Variants in CHD9 observed in about 807,000 individuals in gnomAD.
CHD9 encodes chromodomain helicase DNA binding protein 9.
A neutral mutation model predicts 316.1 loss-of-function variants in CHD9; 77 were observed. The observed-to-expected ratio is 0.24, with a 90% CI of 0.20 to 0.29. The LOEUF (loss-of-function observed/expected upper bound fraction) is 0.29. Ranked by LOEUF, CHD9 falls within the 10% of genes least tolerant of loss-of-function variation. CHD9 has a pLI of 1.00. For synonymous variants in CHD9, 1,129 were observed against 1,158.3 expected (o/e 0.97, Z 0.51); for missense variants, 2,763 against 3,438.1 (o/e 0.80, Z 4.91).
At chr16:53,055,909 C>T (rs2032048316) in intron 1 of CHD9, among the ~76,000 whole-genome samples, 1 of 152,220 alleles carries the variant, frequency 6.6e-6, no homozygotes, top group African/African-American at 2.4e-5. Flanking sequence ...TTCCTCCCCA[C>T]CCTGATCCCA....
Position 53,156,991 on chromosome 16 carries a change from C to T in CHD9, c.902C>T (p.Thr301Ile). 1 of 1,610,218 alleles carries T rather than the reference C, an allele frequency of 6.2e-7. No individual in the cohort carries two copies. Among genetic ancestry groups the T allele is most frequent in the Non-Finnish European group, 8.5e-7 (1 of 1,176,964 alleles). Residue 301 changes from threonine (T) to isoleucine (I), a missense_variant, in exon 2 of 39, where the codon ACT (threonine) becomes ATT (isoleucine). By Grantham distance (89) the Thr-to-Ile change is moderately conservative. Around this residue, in one of 15 missense-constraint regions of CHD9, gnomAD observed 859 missense variants for 890.4 expected, o/e 0.96. Coordinates refer to ENST00000447540, the MANE Select transcript of CHD9 (RefSeq NM_001308319.2). The stretch of plus-strand genomic sequence containing the variant: ...CTTGCATCTAATCATACAAATCAGA[C>T]TTTATCTGATTTTACTGGAAGTAAT... Reference protein sequence around the residue: ...AVLASNHTNQTLSDFTGSNSF... With the variant: ...AVLASNHTNQILSDFTGSNSF...
chr16:53,067,464 C>A (rs1454056710), intron 1 of CHD9, among the ~76,000 whole-genome samples: 1 of 152,066 alleles, frequency 6.6e-6, no homozygotes, highest in South Asian at 2.1e-4. Flanking sequence ...TTTATACCAA[C>A]AAAAATGGGC....
intron 36 of CHD9, among the ~76,000 whole-genome samples, chr16:53,316,339 T>C (rs1431704160): frequency 6.6e-6 from 1 of 152,214 alleles, no homozygotes; most frequent in African/African-American, 2.4e-5. Flanking sequence ...GTACTACTTA[T>C]TATTTTAAGA....
intron 29 of CHD9, among the ~76,000 whole-genome samples, chr16:53,295,647 C>T (rs1258324993): frequency 1.3e-5 from 2 of 152,080 alleles, no homozygotes; most frequent in African/African-American, 4.8e-5. Flanking sequence ...TCGTTTTTCC[C>T]ATTTTTATTC....
At position 53,307,785 on chromosome 16, in the gene CHD9, C is replaced by G. The variant is rs765763891; in HGVS notation, c.6885C>G (p.Phe2295Leu). Residue 2295 changes from phenylalanine (F) to leucine (L), a missense_variant, in exon 33 of 39, where the codon TTC (phenylalanine) becomes TTG (leucine). Coordinates refer to ENST00000447540, the MANE Select transcript of CHD9 (RefSeq NM_001308319.2). ...ATGATGCTAACACAGTGGCTTCTTT[C>G]TATACCACAAAACTGCTGGACAGCC... ...RSYDANTVAS[F>L]YTTKLLDSPG... 5 of 1,613,150 alleles carry G rather than the reference C, an allele frequency of 3.1e-6. No homozygotes were observed. The highest frequency in any genetic ancestry group is 1.6e-4 in the Middle Eastern group (1 of 6,084).
intron 1 of CHD9, among the ~76,000 whole-genome samples, chr16:53,103,982 C>T (rs2037107818): frequency 6.6e-6 from 1 of 152,168 alleles, no homozygotes; most frequent in African/African-American, 2.4e-5. Context: ...CCCTTCTCGC[C>T]AAAGCATTCC....
intron 1 of CHD9, among the ~76,000 whole-genome samples, chr16:53,077,130 G>A (rs1288341859): frequency 6.6e-6 from 1 of 151,886 alleles, no homozygotes; most frequent in African/African-American, 2.4e-5. Flanking sequence ...TGGGATTACA[G>A]GTGTGTGCCA....
intron 1 of CHD9, chr16:53,122,022 A>G (rs968044525): frequency 6.6e-6 from 1 of 152,210 alleles, no homozygotes; most frequent in Non-Finnish European, 1.5e-5. Context: ...GGAGCATAAA[A>G]CATTTAAGTT....
At position 53,304,634 on chromosome 16, in the gene CHD9, C is replaced by T; in HGVS notation, c.6619+9C>T. ...AGAAGCCCAAAAACGAGGTACTATGCATAAAATAATTCTACTTTTTTAACA... is the reference window on the plus strand; with the variant it reads ...AGAAGCCCAAAAACGAGGTACTATGTATAAAATAATTCTACTTTTTTAACA... On this transcript the variant is annotated intron_variant, in intron 31 of 38. Transcript: ENST00000447540. 1 of 1,499,914 alleles carries T rather than the reference C, an allele frequency of 6.7e-7. No individual in the cohort carries two copies. The highest frequency in any genetic ancestry group is 1.8e-4 in the Middle Eastern group (1 of 5,684). The allele number at this position is 1,499,914 out of a possible 1,614,324, so 92.9% of individuals were successfully genotyped here. A position where few individuals can be genotyped will look rare whatever the true frequency, so the allele number is the denominator to read the frequency against.
chr16:53,065,219 T>C (rs1383298009), intron 1 of CHD9, among the ~76,000 whole-genome samples: 4 of 152,036 alleles, frequency 2.6e-5, no homozygotes, highest in African/African-American at 9.7e-5. Context: ...GATACAAGAG[T>C]CTAGAGTGGC....
intron 20 of CHD9, among the ~76,000 whole-genome samples, chr16:53,265,910 T>G (rs897892991): frequency 1.3e-5 from 2 of 151,192 alleles, no homozygotes; most frequent in African/African-American, 4.9e-5. Context: ...CAAAATTGTA[T>G]CAAATCTCAA....
intron 7 of CHD9, among the ~76,000 whole-genome samples, chr16:53,227,981 G>A (rs1192390285): frequency 6.6e-6 from 1 of 152,010 alleles, no homozygotes; most frequent in African/African-American, 2.4e-5. Flanking sequence ...AGCTACTCAG[G>A]AGGCTGAGGC....
At chr16:53,171,210 C>T (rs1242365519) in intron 2 of CHD9, among the ~76,000 whole-genome samples, 2 of 151,888 alleles carry the variant, frequency 1.3e-5, no homozygotes, top group African/African-American at 2.4e-5. Flanking sequence ...GAGATCGAGA[C>T]TATCCTACTA....
At chr16:53,096,187 T>C (rs565455160) in intron 1 of CHD9, among the ~76,000 whole-genome samples, 224 of 151,596 alleles carry the variant, frequency 1.5e-3, no homozygotes, top group Middle Eastern at 6.8e-3. Context: ...CCTCCCAAAG[T>C]GTTGAGATTA....
intron 2 of CHD9, chr16:53,207,940 C>A: frequency 3.1e-6 from 2 of 639,928 alleles, no homozygotes; most frequent in Non-Finnish European, 3.9e-6. Context: ...GCACCATCTG[C>A]TGGCCTACTT....
chr16:53,120,049 G>A (rs1251950102), intron 1 of CHD9, among the ~76,000 whole-genome samples: 1 of 148,210 alleles, frequency 6.7e-6, no homozygotes, highest in Non-Finnish European at 1.5e-5. Context: ...AACATAGGAA[G>A]ACCCCATCTC....
intron 1 of CHD9, among the ~76,000 whole-genome samples, chr16:53,069,389 C>T (rs1263879558): frequency 1.3e-5 from 2 of 152,214 alleles, no homozygotes; most frequent in African/African-American, 2.4e-5. Context: ...TCTTTTTCAT[C>T]TTCCCAAGCT....
chr16:53,232,277 G>C (rs12597254), intron 10 of CHD9, among the ~76,000 whole-genome samples: 42,149 of 151,936 alleles, frequency 0.28, 5,928 homozygotes, highest in Middle Eastern at 0.32. Flanking sequence ...AGAAGAGAAA[G>C]ATTTTCTTTT....
chr16:53,163,745 A>G (rs987657724), intron 2 of CHD9, among the ~76,000 whole-genome samples: 6 of 152,228 alleles, frequency 3.9e-5, no homozygotes, highest in Non-Finnish European at 8.8e-5. Flanking sequence ...ATCTGAATCA[A>G]GGTGATTAAA....
Sources: gnomAD v4.1 joint callset for allele counts (sites outside exome capture counted in the v4.1 genomes callset) on GRCh38, gnomAD v4.1.1 for gene constraint, gnomAD v4.1.1 regional missense constraint, MANE v1.5 for transcripts, NCBI Gene and HGNC (gene_info 2026-07-23, HGNC 2026-07-21) for gene names.